Variants in MED16 observed in about 807,000 individuals in gnomAD.
MED16 encodes mediator of RNA polymerase II transcription subunit 16.
MED16 carries 81 observed loss-of-function variants against 84.4 expected under a neutral mutation model. The ratio of observed to expected loss-of-function variants is 0.96; its 90% CI spans 0.80 to 1.15. The LOEUF (loss-of-function observed/expected upper bound fraction) is 1.15. Among genes scored for constraint, MED16 ranks in the 50% most tolerant of loss-of-function variants. The pLI is 0.00. For missense variants in MED16, 1,585 were observed against 1,245.9 expected, an observed-to-expected ratio of 1.27 and a Z score of -4.10; for synonymous variants, 897 against 552.2, an observed-to-expected ratio of 1.62 and a Z score of -8.76.
At chr19:883,373 TGGTG>T (rs2036459517) in intron 6 of MED16, among the ~76,000 whole-genome samples, 1 of 35,226 alleles carries the variant, frequency 2.8e-5, no homozygotes, top group Admixed American at 3.8e-4. Flanking sequence ...GCACGTGGGG[TGGTG>T]GGTGAAGAGC....
intron 1 of MED16, chr19:892,753 AG>A (rs2036663695): frequency 8.1e-6 from 1 of 123,910 alleles, no homozygotes. Flanking sequence ...AACCCACTCC[AG>A]GCCCCGCCCC....
Position 881,575 on chromosome 19 carries a change from CTG to C in MED16, c.1123_1124del (p.Gln375ValfsTer41). On this transcript the variant is annotated frameshift_variant, in exon 7 of 16. Transcript: ENST00000325464. LOFTEE classifies it high-confidence loss of function. ...CCACCGTACCGAGGCCAGGGTAGAA[CTG>C]TGTGTCGCTGGCCACCTTGAGGTCG... is the stretch of plus-strand genomic sequence containing the variant. ...NTDLKVASDT[Q>X]FYPGLGLALA... 2 of 1,612,272 alleles carry C rather than the reference CTG, an allele frequency of 1.2e-6. No individual in the cohort carries two copies. The highest frequency in any genetic ancestry group is 1.7e-6 in the Non-Finnish European group (2 of 1,179,806).
intron 11 of MED16, chr19:873,198 T>TG (rs2036135227): frequency 1.1e-5 from 5 of 442,796 alleles, no homozygotes; most frequent in Admixed American, 1.0e-4. Context: ...GGCTAGGAAG[T>TG]GGGGGTTTAA....
At chr19:890,271 G>C in intron 2 of MED16, 27 bp from the exon 3 acceptor site, 2 of 1,442,306 alleles carry the variant, frequency 1.4e-6, no homozygotes, top group Non-Finnish European at 1.9e-6. Flanking sequence ...TGGTCAGCAC[G>C]GCCTGGCACC....
chr19:870,609 G>A (rs189660327), intron 13 of MED16, among the ~76,000 whole-genome samples: 2 of 151,980 alleles, frequency 1.3e-5, no homozygotes, highest in African/African-American at 4.8e-5. Flanking sequence ...GAAGGGCTGG[G>A]TGCCCGTGTT....
chr19:889,252 C>T (rs1315494584), intron 4 of MED16, among the ~76,000 whole-genome samples: 1 of 152,102 alleles, frequency 6.6e-6, no homozygotes, highest in Non-Finnish European at 1.5e-5. Flanking sequence ...TAGAGAGGGG[C>T]TCTGGGATGT....
At chr19:872,389 T>C (rs1257450108) in intron 11 of MED16, among the ~76,000 whole-genome samples, 1 of 151,972 alleles carries the variant, frequency 6.6e-6, no homozygotes, top group Non-Finnish European at 1.5e-5. Flanking sequence ...CTGAGGCCAA[T>C]ATCCCCACCT....
intron 6 of MED16, among the ~76,000 whole-genome samples, chr19:882,631 C>T (rs912717141): frequency 1.3e-5 from 2 of 152,190 alleles, no homozygotes; most frequent in African/African-American, 4.8e-5. Flanking sequence ...GGAGCATGTG[C>T]GGCCAGTGGA....
intron 11 of MED16, among the ~76,000 whole-genome samples, chr19:872,521 C>T (rs1164887962): frequency 6.6e-6 from 1 of 151,942 alleles, no homozygotes; most frequent in Non-Finnish European, 1.5e-5. Context: ...GCCTAAAGCC[C>T]CACAAAAAGA....
At chr19:890,860 G>A in intron 2 of MED16, 103 bp downstream of exon 2, 2 of 1,261,844 alleles carry the variant, frequency 1.6e-6, no homozygotes, top group East Asian at 5.1e-5. Flanking sequence ...AGTGAGAGGT[G>A]GCCTGAGAGA....
chr19:879,921 T>G lies in MED16; in HGVS notation c.1353+16A>C. On this transcript the variant is annotated intron_variant, in intron 8 of 15. Coordinates refer to ENST00000325464, the MANE Select transcript of MED16 (RefSeq NM_005481.3). ...AATGCCCACCAGCCCCGGCCCCACG[T>G]GCCCCAGCAGCTCACCTTCCCGTGG... is the stretch of plus-strand genomic sequence containing the variant. The G allele has an allele frequency of 1.3e-6, 2 of 1,579,196 alleles. No homozygotes were observed. Among genetic ancestry groups the G allele is most frequent in the South Asian group, 1.2e-5 (1 of 86,556 alleles).
Position 873,505 on chromosome 19 carries a change from G to C in MED16, c.1849C>G (p.Leu617Val). ...DMNTLQALQQ[L>V]LQWVGDFVLY... is the part of the protein sequence containing the mutation. ...ACGAAGTCGCCCACCCACTGCAAGA[G>C]CTGCTGCAGCGCCTGCAGTGTGTTC... Residue 617 changes from leucine to valine, a missense_variant, in exon 11 of 16, where the codon CTC (leucine) becomes GTC (valine). Coordinates refer to ENST00000325464, the MANE Select transcript of MED16 (RefSeq NM_005481.3). 1 of 1,612,102 alleles carries C rather than the reference G, an allele frequency of 6.2e-7. No individual in the cohort carries two copies.
intron 13 of MED16, 81 bp from the exon 14 acceptor site, chr19:869,027 G>C: frequency 1.6e-6 from 2 of 1,260,616 alleles, no homozygotes; most frequent in Non-Finnish European, 2.2e-6. Context: ...CCACAGGCGG[G>C]GGTGGAGGGA....
chr19:873,622 T>A (rs370863921), intron 10 of MED16, 40 bp from the exon 11 acceptor site: 1 of 1,607,992 alleles, frequency 6.2e-7, no homozygotes, highest in African/African-American at 1.3e-5. Context: ...GGGCCTCTTG[T>A]ACACACAGGG....
Position 891,162 on chromosome 19 carries a change from G to A in MED16, c.-18-13C>T, listed in dbSNP as rs1288841386. Reference sequence around the variant, plus strand: ...CAGTCACCAGCTCCTGCGGGAGGGAGGTGTGGTGGGACGTCTATGTTGGCT... The same window carrying A: ...CAGTCACCAGCTCCTGCGGGAGGGAAGTGTGGTGGGACGTCTATGTTGGCT... On this transcript the variant is annotated splice_polypyrimidine_tract_variant and intron_variant, in intron 1 of 15. Transcript: ENST00000325464. 5.0e-6 allele frequency: 8 copies of A among 1,596,696 alleles called. 1 individual carries two copies. The South Asian group carries it at 5.6e-5, about 11-fold the overall frequency.
At chr19:885,185 C>T (rs2036501035) in intron 5 of MED16, among the ~76,000 whole-genome samples, 177 bp from the exon 6 acceptor site, 2 of 152,220 alleles carry the variant, frequency 1.3e-5, no homozygotes, top group Admixed American at 6.5e-5. Context: ...GCCCAACATC[C>T]ACTCACAGGA....
In MED16 at chr19:889,868, G is replaced by A. The variant is rs1599346265; in HGVS notation, c.278-61C>T. 15 of 1,528,548 alleles carry A rather than the reference G, an allele frequency of 9.8e-6. No homozygotes were observed. In the East Asian group the frequency reaches 3.6e-4, roughly 37 times the overall value. 94.7% of individuals were successfully genotyped at this position (1,528,548 alleles called of 1,614,324 possible). ...GGATGGGCAGAGCACTGCGTTGCAG[G>A]ACGGCACAGCGCCTGGGGGAAGCCA... On this transcript the variant is annotated intron_variant, in intron 3 of 15. Transcript: ENST00000325464.
intron 12 of MED16, chr19:871,535 G>GATGT: frequency 6.3e-7 from 1 of 1,575,688 alleles, no homozygotes; most frequent in Non-Finnish European, 8.6e-7. Context: ...CAGACACTGG[G>GATGT]ATGTAAGAAT....
Position 890,300 on chromosome 19 carries a change from C to T in MED16, c.170-56G>A. 15 of 1,254,478 alleles carry T rather than the reference C, an allele frequency of 1.2e-5. No homozygotes were observed. In the South Asian group the frequency reaches 1.3e-4, roughly 11 times the overall value. 77.7% of individuals were successfully genotyped at this position (1,254,478 alleles called of 1,614,324 possible). A position where few individuals can be genotyped will look rare whatever the true frequency, so the allele number is the denominator to read the frequency against. ...TGGCACCACAGCCTGCAGACGATGA[C>T]GATGACTCCAGGCAGGCTCCAGGTA... On this transcript the variant is annotated intron_variant, in intron 2 of 15. Coordinates refer to ENST00000325464, the MANE Select transcript of MED16 (RefSeq NM_005481.3).
Sources: gnomAD v4.1 joint callset for allele counts (sites outside exome capture counted in the v4.1 genomes callset) on GRCh38, gnomAD v4.1.1 for gene constraint, MANE v1.5 for transcripts, NCBI Gene and HGNC (gene_info 2026-07-23, HGNC 2026-07-21) for gene names.